LYPD6B: variants seen among roughly 807,000 people sequenced by gnomAD.
The protein encoded by LYPD6B is ly6/PLAUR domain-containing protein 6B.
LYPD6B carries 17 observed loss-of-function variants against 22.8 expected under a neutral mutation model. The observed-to-expected ratio is 0.75, with a 90% confidence interval of 0.51 to 1.12. The LOEUF (loss-of-function observed/expected upper bound fraction) is 1.12, where lower values mean the gene tolerates loss of function less well. LYPD6B is among the 50% of genes most tolerant of loss of function. The pLI, the probability that LYPD6B is intolerant of heterozygous loss-of-function variation, is 0.00. For synonymous variants in LYPD6B, 106 were observed against 91.6 expected, an observed-to-expected ratio of 1.16 and a Z score of -0.90; for missense variants, 221 against 258.3, an observed-to-expected ratio of 0.86 and a Z score of 0.99.
intron 3 of LYPD6B, chr2:149,188,618 T>G: frequency 1.0e-3 from 674 of 643,536 alleles, no homozygotes; most frequent in Non-Finnish European, 1.2e-3. Flanking sequence ...CCAGTAAAGT[T>G]GAGATTGTGA....
intron 3 of LYPD6B, chr2:149,204,991 C>T: frequency 2.8e-6 from 1 of 352,538 alleles, no homozygotes; most frequent in Non-Finnish European, 5.1e-6. Flanking sequence ...GCTCTGCCTG[C>T]TTGTCCTTCC....
At chr2:149,040,073 A>T (rs1400715425) in intron 1 of LYPD6B, among the ~76,000 whole-genome samples, 2 of 151,946 alleles carry the variant, frequency 1.3e-5, no homozygotes, top group African/African-American at 4.8e-5. Flanking sequence ...CTCTGTGTTT[A>T]CTGGTTCTTA....
intron 3 of LYPD6B, among the ~76,000 whole-genome samples, chr2:149,203,437 G>C (rs1188269637): frequency 6.6e-6 from 1 of 152,158 alleles, no homozygotes; most frequent in African/African-American, 2.4e-5. Context: ...CTATGGAATA[G>C]ACCAACTCAG....
intron 1 of LYPD6B, among the ~76,000 whole-genome samples, chr2:149,108,803 T>TA (rs935528181): frequency 3.9e-5 from 6 of 152,164 alleles, no homozygotes; most frequent in African/African-American, 1.4e-4. Flanking sequence ...ATTGAGTTTT[T>TA]AAAAAATAAT....
intron 3 of LYPD6B, among the ~76,000 whole-genome samples, chr2:149,182,092 G>GT (rs1231711752): frequency 1.3e-5 from 2 of 152,188 alleles, no homozygotes. Flanking sequence ...CCATGTGGTT[G>GT]TAAGAGTCAA....
intron 1 of LYPD6B, among the ~76,000 whole-genome samples, chr2:149,112,003 A>G (rs868006683): frequency 4.6e-5 from 7 of 152,214 alleles, no homozygotes; most frequent in Non-Finnish European, 8.8e-5. Context: ...TTGGGATTTG[A>G]CAATGTGGAA....
At chr2:149,054,495 C>A (rs1215994371) in intron 1 of LYPD6B, among the ~76,000 whole-genome samples, 1 of 152,082 alleles carries the variant, frequency 6.6e-6, no homozygotes, top group Admixed American at 6.5e-5. Flanking sequence ...GGATAGTAGA[C>A]CCTTATTGGA....
At chr2:149,186,886 A>G (rs977360657) in intron 3 of LYPD6B, among the ~76,000 whole-genome samples, 12 of 152,186 alleles carry the variant, frequency 7.9e-5, no homozygotes, top group Non-Finnish European at 1.3e-4. Flanking sequence ...GGAAGACTCA[A>G]TTGATGTAGC....
intron 3 of LYPD6B, among the ~76,000 whole-genome samples, chr2:149,201,367 T>A (rs1039764931): frequency 6.6e-6 from 1 of 152,182 alleles, no homozygotes; most frequent in African/African-American, 2.4e-5. Context: ...TATAAAAGAT[T>A]TCTCCCCCTC....
intron 2 of LYPD6B, among the ~76,000 whole-genome samples, chr2:149,135,041 T>G (rs1482987619): frequency 1.3e-5 from 2 of 151,906 alleles, no homozygotes. Flanking sequence ...GGTCAGGAGT[T>G]CAAGACCAGC....
chr2:149,101,834 A>G (rs1686226084), intron 1 of LYPD6B, among the ~76,000 whole-genome samples: 1 of 152,254 alleles, frequency 6.6e-6, no homozygotes, highest in South Asian at 2.1e-4. Flanking sequence ...ATGAGATATC[A>G]GAGGCAGGAA....
intron 1 of LYPD6B, among the ~76,000 whole-genome samples, chr2:149,070,920 A>G (rs1427885433): frequency 1.3e-5 from 2 of 152,254 alleles, no homozygotes; most frequent in Non-Finnish European, 2.9e-5. Context: ...GGGAAATGAC[A>G]GAGCATATTC....
intron 3 of LYPD6B, among the ~76,000 whole-genome samples, chr2:149,193,254 A>G (rs1333563106): frequency 6.6e-6 from 1 of 152,172 alleles, no homozygotes; most frequent in African/African-American, 2.4e-5. Flanking sequence ...AAAAAACAGA[A>G]GAATCCTTTT....
intron 3 of LYPD6B, among the ~76,000 whole-genome samples, chr2:149,192,679 TAGTTTCGG>T (rs2106070192): frequency 6.6e-6 from 1 of 152,218 alleles, no homozygotes; most frequent in East Asian, 1.9e-4. Flanking sequence ...GAGGATTAAT[TAGTTTCGG>T]ATGGGAAAGT....
Position 149,213,013 on chromosome 2 carries a change from T to G in LYPD6B, c.350T>G (p.Val117Gly). 1.2e-6 allele frequency: 2 copies of G among 1,614,010 alleles called. No individual in the cohort carries two copies. The highest frequency in any genetic ancestry group is 1.7e-6 in the Non-Finnish European group (2 of 1,179,864). The change falls in exon 6 of 7, where the codon GTT becomes GGT. Residue 117 changes from valine to glycine, a missense_variant. Coordinates refer to ENST00000409642, the MANE Select transcript of LYPD6B (RefSeq NM_177964.5). ...CPQNTQYCLTVHHFTSHGRST... is the reference protein window; with the variant it reads ...CPQNTQYCLTGHHFTSHGRST... ...CTAGATACACAGTACTGTTTGACAG[T>G]TCATCACTTCACCAGCCACGGAAGA...
At chr2:149,135,876 G>A (rs978797729) in intron 2 of LYPD6B, among the ~76,000 whole-genome samples, 2 of 152,074 alleles carry the variant, frequency 1.3e-5, no homozygotes, top group Admixed American at 6.6e-5. Flanking sequence ...ACATTAAGGG[G>A]ACATTTTCCT....
intron 1 of LYPD6B, among the ~76,000 whole-genome samples, chr2:149,054,567 T>C (rs552062201): frequency 6.6e-6 from 1 of 152,318 alleles, no homozygotes; most frequent in East Asian, 1.9e-4. Context: ...CTTAGTAGTA[T>C]CTTTTGAAAC....
intron 3 of LYPD6B, among the ~76,000 whole-genome samples, chr2:149,167,865 T>A (rs1690533824): frequency 6.6e-6 from 1 of 152,160 alleles, no homozygotes; most frequent in South Asian, 2.1e-4. Flanking sequence ...GATGATTGCT[T>A]AACAATAATA....
intron 3 of LYPD6B, among the ~76,000 whole-genome samples, chr2:149,203,335 A>G (rs1693297460): frequency 6.6e-6 from 1 of 152,190 alleles, no homozygotes; most frequent in African/African-American, 2.4e-5. Flanking sequence ...GAATATTGCT[A>G]CTGGAACATA....
Sources: gnomAD v4.1 joint callset for allele counts (sites outside exome capture counted in the v4.1 genomes callset) on GRCh38, gnomAD v4.1.1 for gene constraint, MANE v1.5 for transcripts, NCBI Gene and HGNC (gene_info 2026-07-23, HGNC 2026-07-21) for gene names.